The following RORA variants were observed in gnomAD, a reference collection of about 807,000 sequenced individuals.
RORA encodes the protein nuclear receptor ROR-alpha.
A neutral mutation model predicts 69.5 loss-of-function variants in RORA; 7 were observed. The observed-to-expected ratio is 0.10, with a 90% CI of 0.06 to 0.19. The LOEUF (loss-of-function observed/expected upper bound fraction) is 0.19. Ranked by LOEUF, RORA falls within the 10% of genes least tolerant of loss-of-function variation. RORA has a pLI of 1.00. For synonymous variants in RORA, 261 were observed against 240.8 expected (o/e 1.08, Z -0.78); for missense variants, 457 against 663.0 (o/e 0.69, Z 3.41).
chr15:61,220,353 C>T (rs2080083965), intron 1 of RORA, among the ~76,000 whole-genome samples: 1 of 152,206 alleles, frequency 6.6e-6, no homozygotes, highest in Admixed American at 6.5e-5. Context: ...GTCACATGGC[C>T]TTTTCATCAT....
intron 2 of RORA, among the ~76,000 whole-genome samples, chr15:60,595,604 A>ATAT (rs1215321287): frequency 6.6e-6 from 1 of 152,206 alleles, no homozygotes; most frequent in East Asian, 1.9e-4. Flanking sequence ...ATTTTATTAA[A>ATAT]TAAATGCTTA....
chr15:60,838,425 G>T lies in RORA; in HGVS notation c.167-159739C>A, dbSNP rs575938656. Among the ~76,000 whole-genome samples the T allele has an allele frequency of 4.6e-5, 7 of 152,236 alleles. 1 individual carries two copies. The highest frequency in any genetic ancestry group is 4.6e-4 in the Admixed American group (7 of 15,300). The stretch of plus-strand genomic sequence containing the variant: ...ACATCCTGCCACCTGCCCCACTGAG[G>T]GTATGCTGTCCAAGCAGACAGGCAG... On this transcript the variant is annotated intron_variant, in intron 1 of 10. Coordinates refer to ENST00000335670, the MANE Select transcript of RORA (RefSeq NM_134261.3).
intron 1 of RORA, among the ~76,000 whole-genome samples, chr15:60,827,112 C>T (rs1177944516): frequency 6.6e-6 from 1 of 152,134 alleles, no homozygotes; most frequent in Non-Finnish European, 1.5e-5. Flanking sequence ...TCAGAGTGCC[C>T]CAAGCCCCTC....
At chr15:61,200,093 G>C (rs2079881542) in intron 1 of RORA, among the ~76,000 whole-genome samples, 1 of 152,202 alleles carries the variant, frequency 6.6e-6, no homozygotes. Flanking sequence ...GGGGTGACAT[G>C]AGGAAACTCC....
chr15:60,542,080 C>T (rs2066890324), intron 2 of RORA, among the ~76,000 whole-genome samples: 1 of 152,202 alleles, frequency 6.6e-6, no homozygotes, highest in Admixed American at 6.5e-5. Context: ...ATTATCACTG[C>T]AATAAGTGAA....
chr15:61,040,195 T>C (rs1896693140), intron 1 of RORA, among the ~76,000 whole-genome samples: 1 of 140,426 alleles, frequency 7.1e-6, no homozygotes, highest in Non-Finnish European at 1.5e-5. Flanking sequence ...ATAGTGCCAC[T>C]TTCTATTAGC....
At chr15:60,818,746 AG>A (rs2072850087) in intron 1 of RORA, among the ~76,000 whole-genome samples, 1 of 152,262 alleles carries the variant, frequency 6.6e-6, no homozygotes, top group Non-Finnish European at 1.5e-5. Flanking sequence ...TTTCATCAGT[AG>A]GACAATGAAT....
rs73430871 is a variant in RORA at position 61,111,027 on chromosome 15, T to C, written c.166+118026A>G. Among the ~76,000 whole-genome samples, 1,070 of 152,314 alleles carry C rather than the reference T, an allele frequency of 7.0e-3. 10 individuals are homozygous for C. The highest frequency in any genetic ancestry group is 0.024 in the African/African-American group (1,013 of 41,562). On this transcript the variant is annotated intron_variant, in intron 1 of 10. Transcript: ENST00000335670. ...CAAATGTTCCTGGCCTGAATGACTG[T>C]GCAGTGTAGACCTCCCCCAAAAAAG...
intron 2 of RORA, among the ~76,000 whole-genome samples, chr15:60,666,761 G>T (rs925667809): frequency 1.3e-5 from 2 of 152,144 alleles, no homozygotes; most frequent in African/African-American, 4.8e-5. Flanking sequence ...AATCTCCTGG[G>T]AACAGATCAC....
intron 1 of RORA, among the ~76,000 whole-genome samples, chr15:60,794,619 C>T (rs1488417788): frequency 6.6e-6 from 1 of 152,206 alleles, no homozygotes; most frequent in African/African-American, 2.4e-5. Flanking sequence ...AACTGAGTCC[C>T]CAATATCCCT....
chr15:60,883,720 T>C lies in RORA; in HGVS notation c.167-205034A>G, dbSNP rs545252623. ...ATTCTCCAATAAGCATGTGCTACTT[T>C]TATAAATAGAAGATAGATTGTGTTG... On this transcript the variant is annotated intron_variant, in intron 1 of 10. Transcript: ENST00000335670. 2.6e-5 allele frequency among the ~76,000 whole-genome samples: 4 copies of C among 152,352 alleles called. No homozygotes were observed. In the East Asian group the frequency reaches 7.7e-4, roughly 29 times the overall value.
At chr15:60,512,312 C>T (rs1333886700) in intron 4 of RORA, among the ~76,000 whole-genome samples, 1 of 152,156 alleles carries the variant, frequency 6.6e-6, no homozygotes, top group Non-Finnish European at 1.5e-5. Context: ...GAGACAGAGT[C>T]TTGCTCTCTG....
intron 2 of RORA, among the ~76,000 whole-genome samples, chr15:60,538,731 G>C (rs1595934363): frequency 1.3e-5 from 2 of 152,052 alleles, no homozygotes; most frequent in Non-Finnish European, 2.9e-5. Context: ...GTACGGTCTT[G>C]TCGGGGCATC....
chr15:60,785,753 C>T (rs957664740), intron 1 of RORA, among the ~76,000 whole-genome samples: 1 of 152,200 alleles, frequency 6.6e-6, no homozygotes, highest in South Asian at 2.1e-4. Flanking sequence ...TTCATGTTTC[C>T]GATCATCGCT....
chr15:60,979,268 C>CTTT (rs767729204), intron 1 of RORA, among the ~76,000 whole-genome samples: 9,789 of 58,646 alleles, frequency 0.17, 856 homozygotes, highest in Non-Finnish European at 0.19. Flanking sequence ...CTAGCCCTTG[C>CTTT]TTTTTTTTTT....
intron 1 of RORA, among the ~76,000 whole-genome samples, chr15:60,885,273 G>C (rs1267336807): frequency 1.3e-5 from 2 of 152,214 alleles, no homozygotes; most frequent in Admixed American, 6.5e-5. Flanking sequence ...AGAAGTCCAA[G>C]TACTCTGTAG....
intron 1 of RORA, among the ~76,000 whole-genome samples, chr15:61,178,035 A>G (rs1441542415): frequency 2.0e-5 from 3 of 151,978 alleles, no homozygotes; most frequent in African/African-American, 7.2e-5. Context: ...AGAAATGAGG[A>G]AGGGAGGCAG....
At chr15:60,656,858 C>T (rs1251635139) in intron 2 of RORA, among the ~76,000 whole-genome samples, 3 of 152,182 alleles carry the variant, frequency 2.0e-5, no homozygotes, top group Non-Finnish European at 4.4e-5. Context: ...GTGGCTTGCT[C>T]TAAGATAAAA....
chr15:61,145,944 C>T (rs544989492), intron 1 of RORA, among the ~76,000 whole-genome samples: 79 of 152,230 alleles, frequency 5.2e-4, no homozygotes, highest in African/African-American at 1.8e-3. Flanking sequence ...AATAGGGAGA[C>T]AAAGTGAAGG....
Sources: allele counts gnomAD v4.1 joint callset (sites outside exome capture counted in the v4.1 genomes callset), GRCh38; gene constraint gnomAD v4.1.1; transcripts MANE v1.5; gene names NCBI Gene and HGNC (gene_info 2026-07-23, HGNC 2026-07-21).